Variants in DOCK10 observed in about 807,000 individuals in gnomAD.
DOCK10 encodes dedicator of cytokinesis protein 10.
In DOCK10, 145 loss-of-function variants were observed where a neutral mutation model predicts 280.1. That is an observed-to-expected ratio of 0.52 (90% confidence interval 0.45 to 0.59). The LOEUF is 0.59. Among genes scored for constraint, DOCK10 ranks in the 20% least tolerant of loss-of-function variants. DOCK10 has a pLI of 0.00. For missense variants in DOCK10, 2,368 were observed against 2,651.7 expected (o/e 0.89, Z 2.35); for synonymous variants, 915 against 942.2 (o/e 0.97, Z 0.53).
At chr2:225,000,595 A>C (rs1290218632) in intron 1 of DOCK10, among the ~76,000 whole-genome samples, 1 of 152,218 alleles carries the variant, frequency 6.6e-6, no homozygotes, top group African/African-American at 2.4e-5. Flanking sequence ...TAGGGCGGGA[A>C]AAAGGGATTG....
chr2:225,007,737 A>G (rs1311279391), intron 1 of DOCK10, among the ~76,000 whole-genome samples: 1 of 152,202 alleles, frequency 6.6e-6, no homozygotes, highest in Non-Finnish European at 1.5e-5. Flanking sequence ...GGATACAGAC[A>G]AGCAGGACCG....
chr2:224,837,840 G>A lies in DOCK10; in HGVS notation c.2781-9C>T, dbSNP rs765556312. The A allele has an allele frequency of 1.2e-6, 2 of 1,613,292 alleles. No homozygotes were observed. The highest frequency in any genetic ancestry group is 8.5e-7 in the Non-Finnish European group (1 of 1,179,448). ...CAATGTCGGTCAGAACCCTGCAAAA[G>A]CAAAGCTGTTCAGTGGCCTTTCTGG... is the stretch of plus-strand genomic sequence containing the variant. On this transcript the variant is annotated splice_polypyrimidine_tract_variant and intron_variant, in intron 24 of 55. Transcript: ENST00000258390.
intron 46 of DOCK10, 53 bp downstream of exon 46, chr2:224,793,347 G>T: frequency 7.3e-7 from 1 of 1,368,878 alleles, no homozygotes; most frequent in Non-Finnish European, 1.0e-6. Flanking sequence ...TTTCTATTAG[G>T]CTTCAATGTG....
chr2:224,819,051 C>T (rs1480252113), intron 29 of DOCK10, among the ~76,000 whole-genome samples: 2 of 152,146 alleles, frequency 1.3e-5, no homozygotes, highest in African/African-American at 4.8e-5. Context: ...TTTACATCTC[C>T]CCAGCGTATA....
rs777161810 is a variant in DOCK10 at position 224,876,118 on chromosome 2, G to C, written c.851C>G (p.Thr284Ser). ...TESDMDEWIH[T>S]LNRILQISPE... ...ACTGATTTGCAGAATGCGGTTGAGG[G>C]TGTGGATCCATTCATCCATATCTGA... is the stretch of plus-strand genomic sequence containing the variant. Residue 284 changes from threonine (T) to serine (S), a missense_variant, in exon 8 of 56, where the codon ACC becomes AGC. By Grantham distance (58) the Thr-to-Ser change is moderately conservative (BLOSUM62 1). Transcript: ENST00000258390. 6.2e-7 allele frequency: 1 copy of C among 1,613,958 alleles called. No homozygotes were observed.
intron 31 of DOCK10, among the ~76,000 whole-genome samples, chr2:224,812,613 G>T (rs923231001): frequency 2.0e-5 from 3 of 152,198 alleles, no homozygotes; most frequent in Admixed American, 2.0e-4. Context: ...GTATGATATT[G>T]GCTGTGGGTT....
At chr2:224,821,177 A>C (rs1277429632) in intron 28 of DOCK10, among the ~76,000 whole-genome samples, 2 of 152,220 alleles carry the variant, frequency 1.3e-5, no homozygotes, top group Non-Finnish European at 2.9e-5. Flanking sequence ...CTACCTTTTA[A>C]TGTAGAACAT....
intron 2 of DOCK10, among the ~76,000 whole-genome samples, chr2:224,924,801 C>A (rs1701965791): frequency 6.6e-6 from 1 of 152,216 alleles, no homozygotes; most frequent in Non-Finnish European, 1.5e-5. Flanking sequence ...AATGGCATCA[C>A]TCACTGTGGG....
intron 7 of DOCK10, among the ~76,000 whole-genome samples, chr2:224,881,270 G>A (rs1166768702): frequency 6.6e-6 from 1 of 150,756 alleles, no homozygotes; most frequent in East Asian, 1.9e-4. Context: ...TTTTTTTTCT[G>A]TGCATCCTTC....
At chr2:224,905,234 AT>A (rs201582173) in intron 3 of DOCK10, among the ~76,000 whole-genome samples, 5,957 of 110,858 alleles carry the variant, frequency 0.054, 120 homozygotes, top group African/African-American at 0.18. Flanking sequence ...CTATGGAACT[AT>A]TTTTTTTTTT....
chr2:225,007,107 T>G (rs1575161749), intron 1 of DOCK10, among the ~76,000 whole-genome samples: 1 of 152,344 alleles, frequency 6.6e-6, no homozygotes, highest in East Asian at 1.9e-4. Flanking sequence ...ATTAACAGGA[T>G]GATTTGTCAG....
intron 3 of DOCK10, among the ~76,000 whole-genome samples, chr2:224,898,019 T>G (rs1700083190): frequency 6.6e-6 from 1 of 152,170 alleles, no homozygotes; most frequent in African/African-American, 2.4e-5. Flanking sequence ...ATAAACCTAT[T>G]GCACTGTGAG....
chr2:224,923,104 T>C (rs1701860249), intron 2 of DOCK10, among the ~76,000 whole-genome samples: 1 of 152,218 alleles, frequency 6.6e-6, no homozygotes, highest in Non-Finnish European at 1.5e-5. Context: ...TTTAAATATA[T>C]GAGAATATTA....
intron 4 of DOCK10, among the ~76,000 whole-genome samples, chr2:224,896,087 T>C (rs1316937910): frequency 1.3e-5 from 2 of 152,016 alleles, no homozygotes; most frequent in Non-Finnish European, 2.9e-5. Context: ...TAAATCAGAG[T>C]ATATTTATAT....
At chr2:224,779,583 C>T (rs376467223) in intron 50 of DOCK10, among the ~76,000 whole-genome samples, 1 of 152,044 alleles carries the variant, frequency 6.6e-6, no homozygotes, top group Non-Finnish European at 1.5e-5. Flanking sequence ...CAAAAGGAAA[C>T]TTACCCATAT....
At chr2:224,935,358 A>G (rs920038120) in intron 1 of DOCK10, among the ~76,000 whole-genome samples, 1 of 152,252 alleles carries the variant, frequency 6.6e-6, no homozygotes, top group African/African-American at 2.4e-5. Flanking sequence ...CTGAATTACC[A>G]ACCTTCATAT....
Position 224,910,777 on chromosome 2 carries a change from A to G in DOCK10, c.333+5918T>C, listed in dbSNP as rs899817514. On this transcript the variant is annotated intron_variant, in intron 3 of 55. Coordinates refer to ENST00000258390, the MANE Select transcript of DOCK10 (RefSeq NM_014689.3). ...CTGCTGTCTCCAGGCCTGACTATTC[A>G]TGTTCCATTATCATCACGGGATATT... Among the ~76,000 whole-genome samples, 7 of 152,098 alleles carry G rather than the reference A, an allele frequency of 4.6e-5. No individual in the cohort carries two copies. The East Asian group carries it at 1.3e-3, about 29-fold the overall frequency.
chr2:224,886,042 T>C (rs781343213), intron 6 of DOCK10, 21 bp downstream of exon 6: 22 of 1,613,360 alleles, frequency 1.4e-5, no homozygotes, highest in Non-Finnish European at 1.9e-5. Context: ...GAGATAAAGA[T>C]GAGTCTTGAT....
chr2:225,019,336 A>C (rs1689722232), intron 1 of DOCK10, among the ~76,000 whole-genome samples: 1 of 151,906 alleles, frequency 6.6e-6, no homozygotes, highest in Non-Finnish European at 1.5e-5. Flanking sequence ...AACTAAATAC[A>C]TGGTCTGGGT....
Sources: allele counts gnomAD v4.1 joint callset (sites outside exome capture counted in the v4.1 genomes callset), GRCh38; gene constraint gnomAD v4.1.1; transcripts MANE v1.5; gene names NCBI Gene and HGNC (gene_info 2026-07-23, HGNC 2026-07-21).